TMEM135: variants seen among roughly 807,000 people sequenced by gnomAD.
TMEM135 encodes peroxisomal membrane protein 52.
TMEM135 carries 30 observed loss-of-function variants against 60.3 expected under a neutral mutation model. That is an observed-to-expected ratio of 0.50 (90% confidence interval 0.37 to 0.68). The LOEUF is 0.68. TMEM135 is among the 30% of genes least tolerant of loss of function. The probability of loss-of-function intolerance (pLI) is 0.00; values close to 1 mark genes in which losing one functional copy is unlikely to be tolerated. For missense variants in TMEM135, 468 were observed against 548.8 expected, an observed-to-expected ratio of 0.85 and a Z score of 1.47; for synonymous variants, 190 against 186.7, an observed-to-expected ratio of 1.02 and a Z score of -0.14.
At chr11:87,077,674 T>G (rs11234958) in intron 3 of TMEM135, among the ~76,000 whole-genome samples, 11,606 of 152,266 alleles carry the variant, frequency 0.076, 515 homozygotes, top group East Asian at 0.17. Context: ...ATTCACAAAG[T>G]TGTTTAACTA....
chr11:87,098,278 CAT>C (rs1188729074), intron 4 of TMEM135, among the ~76,000 whole-genome samples: 1 of 151,968 alleles, frequency 6.6e-6, no homozygotes, highest in Non-Finnish European at 1.5e-5. Context: ...TTATAGGAGA[CAT>C]ACCAGATTAA....
At chr11:87,291,267 T>C (rs1942255350) in intron 6 of TMEM135, among the ~76,000 whole-genome samples, 1 of 89,146 alleles carries the variant, frequency 1.1e-5, no homozygotes, top group African/African-American at 3.9e-5. Flanking sequence ...AAACTGTTTG[T>C]GCTTAGTATT....
chr11:87,125,360 G>A (rs962343695), intron 4 of TMEM135, among the ~76,000 whole-genome samples: 4 of 152,270 alleles, frequency 2.6e-5, no homozygotes, highest in Admixed American at 6.5e-5. Context: ...GAGTAGTTGT[G>A]GGGGAGTAGA....
chr11:87,249,149 G>A (rs548970681), intron 6 of TMEM135, among the ~76,000 whole-genome samples: 1 of 152,244 alleles, frequency 6.6e-6, no homozygotes, highest in Admixed American at 6.5e-5. Flanking sequence ...TCATGAAAGT[G>A]GGCATCCCTG....
At chr11:87,314,947 A>G (rs965527566) in intron 12 of TMEM135, among the ~76,000 whole-genome samples, 4 of 151,888 alleles carry the variant, frequency 2.6e-5, no homozygotes, top group African/African-American at 4.8e-5. Flanking sequence ...AAACAAACAA[A>G]TCAACAATAC....
intron 4 of TMEM135, among the ~76,000 whole-genome samples, chr11:87,130,434 A>G (rs989169798): frequency 6.6e-6 from 1 of 152,184 alleles, no homozygotes; most frequent in Non-Finnish European, 1.5e-5. Flanking sequence ...GTAATGTTCT[A>G]TTGAGATCAT....
intron 5 of TMEM135, among the ~76,000 whole-genome samples, chr11:87,179,798 C>T (rs1194862960): frequency 2.6e-5 from 4 of 152,138 alleles, no homozygotes; most frequent in East Asian, 1.9e-4. Context: ...GACTCTGTCC[C>T]GTGCATTCCA....
At chr11:87,310,752 C>T (rs535376646) in intron 10 of TMEM135, among the ~76,000 whole-genome samples, 1 of 151,818 alleles carries the variant, frequency 6.6e-6, no homozygotes, top group Non-Finnish European at 1.5e-5. Context: ...ATACCGTGAT[C>T]TTTGAACTCC....
chr11:87,310,940 T>TA (rs1942629760), intron 10 of TMEM135, among the ~76,000 whole-genome samples: 1 of 151,962 alleles, frequency 6.6e-6, no homozygotes, highest in Non-Finnish European at 1.5e-5. Context: ...TTAAGGACAT[T>TA]AAAGGAGTGT....
At chr11:87,102,411 A>G (rs1315851031) in intron 4 of TMEM135, among the ~76,000 whole-genome samples, 1 of 152,178 alleles carries the variant, frequency 6.6e-6, no homozygotes, top group Admixed American at 6.6e-5. Context: ...AGATATGGGA[A>G]AAGTCTGACA....
chr11:87,063,617 A>G (rs751793614), intron 1 of TMEM135, among the ~76,000 whole-genome samples: 3 of 152,190 alleles, frequency 2.0e-5, no homozygotes, highest in Non-Finnish European at 4.4e-5. Context: ...CACTGGGGAA[A>G]ACAGAGGCAG....
rs145333093 is a variant in TMEM135, at chr11:87,038,071, C to G, written c.26C>G (p.Pro9Arg). ...ATGGCGGCCCTCAGCAAGTCCATCC[C>G]TCATAACTGCTATGAGATCGGCCAC... MAALSKSI[P>R]HNCYEIGHTW... The change falls in exon 1 of 15, where the codon CCT (proline) becomes CGT (arginine). Residue 9 changes from proline to arginine, a missense_variant. By Grantham distance (103) the Pro-to-Arg change is moderately radical. Transcript: ENST00000305494. The G allele has an allele frequency of 5.1e-4, 831 of 1,614,206 alleles. 7 individuals carry two copies. The African/African-American group carries it at 1.0e-2, about 19-fold the overall frequency.
At chr11:87,261,414 T>G (rs1298359124) in intron 6 of TMEM135, among the ~76,000 whole-genome samples, 1 of 152,206 alleles carries the variant, frequency 6.6e-6, no homozygotes, top group East Asian at 1.9e-4. Context: ...TTATCCAAAA[T>G]TTCTCGTTAA....
intron 5 of TMEM135, among the ~76,000 whole-genome samples, chr11:87,236,259 T>C (rs1214245556): frequency 2.6e-5 from 4 of 151,944 alleles, no homozygotes; most frequent in Admixed American, 2.6e-4. Context: ...TGGGCTATAT[T>C]AGGGGTGTCC....
At chr11:87,075,356 G>C (rs1018494112) in intron 3 of TMEM135, among the ~76,000 whole-genome samples, 1 of 151,850 alleles carries the variant, frequency 6.6e-6, no homozygotes, top group Admixed American at 6.6e-5. Flanking sequence ...GGATTTCACA[G>C]TGTTAACCAG....
chr11:87,322,238 T>C lies in TMEM135; in HGVS notation c.*905T>C, dbSNP rs1478769266. ...TGTATTAGAAGGGATCAAAATCCTA[T>C]GGAACAAAGTAGTCTTGGCAAGTTG... On this transcript the variant is annotated 3_prime_UTR_variant, in exon 15 of 15. Coordinates refer to ENST00000305494, the MANE Select transcript of TMEM135 (RefSeq NM_022918.4). The C allele has an allele frequency of 4.0e-5, 18 of 454,266 alleles. No individual in the cohort carries two copies. Among genetic ancestry groups the C allele is most frequent in the African/African-American group, 1.0e-4 (5 of 50,016 alleles). The allele number at this position is 454,266 out of a possible 1,614,324, so 28.1% of individuals were successfully genotyped here.
At chr11:87,249,971 A>C (rs577873392) in intron 6 of TMEM135, among the ~76,000 whole-genome samples, 2 of 152,206 alleles carry the variant, frequency 1.3e-5, no homozygotes, top group African/African-American at 4.8e-5. Flanking sequence ...TACAGCTTCA[A>C]TCTCATCCTT....
At chr11:87,291,004 A>AAC (rs1397564262) in intron 6 of TMEM135, among the ~76,000 whole-genome samples, 2 of 152,210 alleles carry the variant, frequency 1.3e-5, no homozygotes, top group African/African-American at 4.8e-5. Flanking sequence ...TCTTCCTTTG[A>AAC]AGAGATTTTC....
rs150182165 is a variant in TMEM135, at chr11:87,059,979, T to G, written c.142-7715T>G. ...AAATACAAAAATTAGCTGGGTGCAG[T>G]GGCACATGCCTGTGGTCTCAGCTGC... On this transcript the variant is annotated intron_variant, in intron 1 of 14. Transcript: ENST00000305494. 8.4e-3 allele frequency among the ~76,000 whole-genome samples: 1,276 copies of G among 152,242 alleles called. 26 individuals are homozygous for G. Among genetic ancestry groups the G allele is most frequent in the African/African-American group, 0.029 (1,223 of 41,520 alleles).
Sources: allele counts gnomAD v4.1 joint callset (sites outside exome capture counted in the v4.1 genomes callset), GRCh38; gene constraint gnomAD v4.1.1; transcripts MANE v1.5; gene names NCBI Gene and HGNC (gene_info 2026-07-23, HGNC 2026-07-21).